The following TRIM23 variants were observed in gnomAD, a reference collection of about 807,000 sequenced individuals.
TRIM23 encodes E3 ubiquitin-protein ligase TRIM23.
A neutral mutation model predicts 71.0 loss-of-function variants in TRIM23; 27 were observed. The observed-to-expected ratio is 0.38, with a 90% CI of 0.28 to 0.52. The LOEUF is 0.52. Ranked by LOEUF, TRIM23 falls within the 20% of genes least tolerant of loss-of-function variation. The pLI is 0.84. For synonymous variants in TRIM23, 234 were observed against 238.0 expected (o/e 0.98, Z 0.16); for missense variants, 482 against 692.3 (o/e 0.70, Z 3.41).
At chr5:65,599,624 T>C (rs922885077) in intron 7 of TRIM23, among the ~76,000 whole-genome samples, 3 of 152,196 alleles carry the variant, frequency 2.0e-5, no homozygotes, top group Non-Finnish European at 4.4e-5. Flanking sequence ...TCCATGTCCA[T>C]GGATTGAAAG....
Position 65,590,491 on chromosome 5 carries a change from C to G in TRIM23, c.*1278G>C. ...TTGTTACCAGACATCACTGTCCTTA[C>G]AACAATTCAACTAATAAGATTTAAG... On this transcript the variant is annotated 3_prime_UTR_variant, in exon 11 of 11. Coordinates refer to ENST00000231524, the MANE Select transcript of TRIM23 (RefSeq NM_001656.4). 8.4e-7 allele frequency: 1 copy of G among 1,184,238 alleles called. No individual in the cohort carries two copies. The highest frequency in any genetic ancestry group is 1.1e-6 in the Non-Finnish European group (1 of 946,684). The allele number at this position is 1,184,238 out of a possible 1,614,324, so 73.4% of individuals were successfully genotyped here.
intron 7 of TRIM23, among the ~76,000 whole-genome samples, chr5:65,599,182 CA>C (rs1754295318): frequency 1.3e-5 from 2 of 151,908 alleles, no homozygotes; most frequent in South Asian, 4.2e-4. Context: ...AGAGTCCACA[CA>C]AAAAGACCTA....
At chr5:65,617,385 G>GAT (rs1437564130) in intron 2 of TRIM23, among the ~76,000 whole-genome samples, 1 of 152,038 alleles carries the variant, frequency 6.6e-6, no homozygotes, top group East Asian at 1.9e-4. Flanking sequence ...AACTGTCTTA[G>GAT]ATAGTGCAAC....
At chr5:65,594,342 T>G (rs1046835555) in intron 10 of TRIM23, among the ~76,000 whole-genome samples, 179 bp downstream of exon 10, 2 of 152,178 alleles carry the variant, frequency 1.3e-5, no homozygotes, top group African/African-American at 4.8e-5. Flanking sequence ...TTAACTACCT[T>G]ATTTCTATTT....
chr5:65,592,620 C>T (rs917415056), intron 10 of TRIM23, among the ~76,000 whole-genome samples: 1 of 152,086 alleles, frequency 6.6e-6, no homozygotes, highest in African/African-American at 2.4e-5. Context: ...TTGAAGAGTT[C>T]ACTACATTCC....
At chr5:65,607,651 T>C (rs1220811041) in intron 6 of TRIM23, among the ~76,000 whole-genome samples, 2 of 152,208 alleles carry the variant, frequency 1.3e-5, no homozygotes, top group East Asian at 3.8e-4. Context: ...AATGGACTAA[T>C]ATACCAGTCA....
intron 9 of TRIM23, 118 bp downstream of exon 9, chr5:65,596,303 G>A (rs1754204618): frequency 1.4e-6 from 1 of 695,370 alleles, no homozygotes; most frequent in African/African-American, 1.8e-5. Context: ...CTGGCCACAG[G>A]TACTTAAGTA....
intron 6 of TRIM23, among the ~76,000 whole-genome samples, chr5:65,607,826 G>A (rs950566497): frequency 2.0e-5 from 3 of 152,156 alleles, no homozygotes; most frequent in South Asian, 2.1e-4. Context: ...TATCCGCCAT[G>A]AGTTAAACAT....
intron 6 of TRIM23, among the ~76,000 whole-genome samples, chr5:65,605,427 T>C (rs1444361539): frequency 6.6e-6 from 1 of 152,178 alleles, no homozygotes; most frequent in African/African-American, 2.4e-5. Context: ...TAGTGGTTTA[T>C]CATGGTGGGA....
At chr5:65,619,789 A>C (rs2150643722) in intron 1 of TRIM23, among the ~76,000 whole-genome samples, 1 of 152,316 alleles carries the variant, frequency 6.6e-6, no homozygotes, top group Non-Finnish European at 1.5e-5. Flanking sequence ...AATAAGAAAA[A>C]TGCAAATTAA....
intron 7 of TRIM23, among the ~76,000 whole-genome samples, chr5:65,602,454 T>C (rs1450890307): frequency 6.6e-6 from 1 of 152,160 alleles, no homozygotes; most frequent in Admixed American, 6.5e-5. Context: ...AACGAGTCTC[T>C]AGGAAGTTCC....
chr5:65,590,966 T>A lies in TRIM23; in HGVS notation c.*803A>T. ...TATTATATTAGAAAGAAATATTACT[T>A]TAAATTTGTTGAAAAATAGAAGGAC... On this transcript the variant is annotated 3_prime_UTR_variant, in exon 11 of 11. Transcript: ENST00000231524. 14 of 984,800 alleles carry A rather than the reference T, an allele frequency of 1.4e-5. No homozygotes were observed. The highest frequency in any genetic ancestry group is 1.7e-5 in the Non-Finnish European group (14 of 829,324). 61.0% of individuals were successfully genotyped at this position (984,800 alleles called of 1,614,324 possible).
intron 3 of TRIM23, among the ~76,000 whole-genome samples, chr5:65,613,524 CATAAGT>C (rs1188356078): frequency 2.0e-5 from 3 of 152,164 alleles, no homozygotes; most frequent in Non-Finnish European, 2.9e-5. Flanking sequence ...TATGCAAACA[CATAAGT>C]GCTAAAAATA....
At chr5:65,597,942 T>C (rs1754251680) in intron 7 of TRIM23, among the ~76,000 whole-genome samples, 1 of 152,208 alleles carries the variant, frequency 6.6e-6, no homozygotes, top group Non-Finnish European at 1.5e-5. Flanking sequence ...TTTTTAAGAA[T>C]ACATATAAAA....
chr5:65,610,263 C>G (rs967222718), intron 5 of TRIM23, among the ~76,000 whole-genome samples: 3 of 152,190 alleles, frequency 2.0e-5, no homozygotes, highest in African/African-American at 7.2e-5. Flanking sequence ...TTAAAACAAC[C>G]TTTCTTGAGG....
intron 6 of TRIM23, 59 bp from the exon 7 acceptor site, chr5:65,605,104 C>T (rs997533895): frequency 6.2e-6 from 9 of 1,443,116 alleles, no homozygotes; most frequent in Non-Finnish European, 8.3e-6. Flanking sequence ...GGAAAAGAGA[C>T]TTATATTACC....
chr5:65,591,249 A>G lies in TRIM23; in HGVS notation c.*520T>C. 7.7e-7 allele frequency: 1 copy of G among 1,294,104 alleles called. No homozygotes were observed. The highest frequency in any genetic ancestry group is 9.8e-7 in the Non-Finnish European group (1 of 1,022,660). 80.2% of individuals were successfully genotyped at this position (1,294,104 alleles called of 1,614,324 possible). On this transcript the variant is annotated 3_prime_UTR_variant, in exon 11 of 11. Coordinates refer to ENST00000231524, the MANE Select transcript of TRIM23 (RefSeq NM_001656.4). ...TTCTGTTAACTCTGAACATAAACATAAAGTAATCCTATTATCCAAATATGT... is the reference window on the plus strand; with the variant it reads ...TTCTGTTAACTCTGAACATAAACATGAAGTAATCCTATTATCCAAATATGT...
In TRIM23 at chr5:65,590,360, G is replaced by T; in HGVS notation, c.*1409C>A. 1 of 1,437,854 alleles carries T rather than the reference G, an allele frequency of 7.0e-7. No individual in the cohort carries two copies. The highest frequency in any genetic ancestry group is 9.3e-7 in the Non-Finnish European group (1 of 1,078,652). The allele number at this position is 1,437,854 out of a possible 1,614,324, so 89.1% of individuals were successfully genotyped here. A position where few individuals can be genotyped will look rare whatever the true frequency, so the allele number is the denominator to read the frequency against. ...TTATTTACATATTGCCCATAATACTGATAGGCTTTTTTTTTAATGCTTTGT... is the reference window on the plus strand; with the variant it reads ...TTATTTACATATTGCCCATAATACTTATAGGCTTTTTTTTTAATGCTTTGT... On this transcript the variant is annotated 3_prime_UTR_variant, in exon 11 of 11. Coordinates refer to ENST00000231524, the MANE Select transcript of TRIM23 (RefSeq NM_001656.4).
intron 10 of TRIM23, among the ~76,000 whole-genome samples, 155 bp downstream of exon 10, chr5:65,594,366 G>T (rs891276604): frequency 3.9e-5 from 6 of 152,052 alleles, no homozygotes; most frequent in African/African-American, 1.5e-4. Flanking sequence ...ATACTCCCAG[G>T]TACCCAGCAC....
Sources: gnomAD v4.1 joint callset for allele counts (sites outside exome capture counted in the v4.1 genomes callset) on GRCh38, gnomAD v4.1.1 for gene constraint, MANE v1.5 for transcripts, NCBI Gene and HGNC (gene_info 2026-07-23, HGNC 2026-07-21) for gene names.